BCKDHA: variants seen among roughly 807,000 people sequenced by gnomAD.
BCKDHA encodes branched chain keto acid dehydrogenase E1 subunit alpha.
In BCKDHA, 43 loss-of-function variants were observed where a neutral mutation model predicts 52.2. That is an observed-to-expected ratio of 0.82 (90% confidence interval 0.64 to 1.06). The LOEUF (loss-of-function observed/expected upper bound fraction) is 1.06, where lower values mean the gene tolerates loss of function less well. Among genes scored for constraint, BCKDHA ranks in the 50% least tolerant of loss-of-function variants. The probability of loss-of-function intolerance (pLI) is 0.00; values close to 1 mark genes in which losing one functional copy is unlikely to be tolerated. For missense variants in BCKDHA, 527 were observed against 621.3 expected, an observed-to-expected ratio of 0.85 and a Z score of 1.61; for synonymous variants, 234 against 247.9, an observed-to-expected ratio of 0.94 and a Z score of 0.53.
intron 1 of BCKDHA, chr19:41,399,342 T>G (rs1489508730): frequency 6.8e-6 from 1 of 147,828 alleles, no homozygotes; most frequent in African/African-American, 2.5e-5. Context: ...TTTTTTTTTT[T>G]TTTTTTTTTT....
At chr19:41,403,619 T>A (rs1401763049) in intron 1 of BCKDHA, among the ~76,000 whole-genome samples, 1 of 152,168 alleles carries the variant, frequency 6.6e-6, no homozygotes, top group African/African-American at 2.4e-5. Context: ...AACTCCCCCT[T>A]CTTTAGGAAG....
chr19:41,422,312 G>C lies in BCKDHA; in HGVS notation c.795G>C (p.Arg265=), dbSNP rs1568508041. Residue 265 remains arginine, a synonymous_variant, in exon 6 of 9, where the codon CGG becomes CGC. Coordinates refer to ENST00000269980, the MANE Select transcript of BCKDHA (RefSeq NM_000709.4). ...TLECPIIFFC[R]NNGYAISTPT... Reference sequence around the variant, plus strand: ...AGTGCCCCATCATCTTCTTCTGCCGGAACAATGGCTACGCCATCTCCACGC... The same window carrying C: ...AGTGCCCCATCATCTTCTTCTGCCGCAACAATGGCTACGCCATCTCCACGC... 1 of 1,614,218 alleles carries C rather than the reference G, an allele frequency of 6.2e-7. No homozygotes were observed. Among genetic ancestry groups the C allele is most frequent in the Non-Finnish European group, 8.5e-7 (1 of 1,180,028 alleles).
At chr19:41,423,775 T>C (rs1018260330) in intron 8 of BCKDHA, among the ~76,000 whole-genome samples, 2 of 151,714 alleles carry the variant, frequency 1.3e-5, no homozygotes, top group African/African-American at 4.8e-5. Context: ...GAGGTTGCAG[T>C]GAGCTGAGAT....
At chr19:41,406,928 A>G (rs1385394800) in intron 1 of BCKDHA, among the ~76,000 whole-genome samples, 1 of 151,600 alleles carries the variant, frequency 6.6e-6, no homozygotes, top group Non-Finnish European at 1.5e-5. Context: ...TGGACTCACT[A>G]TGTTGCCTAG....
chr19:41,419,350 G>A (rs2039340517), intron 5 of BCKDHA, 54 bp downstream of exon 5: 7 of 1,564,010 alleles, frequency 4.5e-6, no homozygotes, highest in Admixed American at 1.9e-5. Context: ...TCACACCCCT[G>A]TCCAGGCCTC....
At position 41,422,982 on chromosome 19, in the gene BCKDHA, C is replaced by A; in HGVS notation, c.996-16C>A. On this transcript the variant is annotated splice_polypyrimidine_tract_variant and intron_variant, in intron 7 of 8. Transcript: ENST00000269980. The stretch of plus-strand genomic sequence containing the variant: ...AGGGAGCCCACACTGACCTGGGGCC[C>A]CTTGCCCCTGTGCAGGATCGGGCAC... 6.2e-7 allele frequency: 1 copy of A among 1,606,910 alleles called. No homozygotes were observed. Among genetic ancestry groups the A allele is most frequent in the Non-Finnish European group, 8.5e-7 (1 of 1,176,800 alleles).
At chr19:41,411,570 A>G (rs968132130) in intron 3 of BCKDHA, among the ~76,000 whole-genome samples, 1 of 152,166 alleles carries the variant, frequency 6.6e-6, no homozygotes, top group Non-Finnish European at 1.5e-5. Context: ...CATCCCAGCT[A>G]TCCCACACCC....
intron 1 of BCKDHA, among the ~76,000 whole-genome samples, chr19:41,406,742 G>A (rs1038074797): frequency 4.0e-4 from 61 of 152,128 alleles, no homozygotes; most frequent in African/African-American, 1.3e-3. Context: ...GCTGTTTTTT[G>A]TATTTTTAGT....
chr19:41,420,049 G>T (rs1438086534), intron 5 of BCKDHA, among the ~76,000 whole-genome samples: 1 of 152,142 alleles, frequency 6.6e-6, no homozygotes, highest in Non-Finnish European at 1.5e-5. Flanking sequence ...TTACAGATGT[G>T]AGCCACTGCA....
chr19:41,412,376 A>ATTTGTTTTTTTTTTTTTTTT (rs1199996566), intron 3 of BCKDHA, among the ~76,000 whole-genome samples: 3 of 46,384 alleles, frequency 6.5e-5, no homozygotes, highest in Non-Finnish European at 1.3e-4. Flanking sequence ...GTCTGTAGAT[A>ATTTGTTTTTTTTTTTTTTTT]TTTCTTTTTT....
intron 1 of BCKDHA, among the ~76,000 whole-genome samples, chr19:41,403,408 G>A (rs2039158420): frequency 6.6e-6 from 1 of 152,214 alleles, no homozygotes; most frequent in Non-Finnish European, 1.5e-5. Context: ...AACAGTGCCT[G>A]CCCCGTCTGG....
At chr19:41,415,165 C>A (rs2039295078) in intron 4 of BCKDHA, among the ~76,000 whole-genome samples, 1 of 152,188 alleles carries the variant, frequency 6.6e-6, no homozygotes, top group African/African-American at 2.4e-5. Flanking sequence ...CTGGACCAGG[C>A]CCTTGGCCCC....
intron 3 of BCKDHA, 37 bp downstream of exon 3, chr19:41,411,046 T>C (rs1223071723): frequency 6.2e-7 from 1 of 1,603,396 alleles, no homozygotes; most frequent in South Asian, 1.1e-5. Context: ...GGGGCTGGAA[T>C]TACCTGAGGT....
chr19:41,412,763 G>A (rs1429385721), intron 3 of BCKDHA, among the ~76,000 whole-genome samples: 2 of 151,692 alleles, frequency 1.3e-5, no homozygotes, highest in African/African-American at 4.8e-5. Context: ...GAGTGCAGTG[G>A]CGCAATCTCG....
intron 3 of BCKDHA, among the ~76,000 whole-genome samples, chr19:41,411,613 C>T (rs923767346): frequency 6.6e-5 from 10 of 152,204 alleles, no homozygotes; most frequent in African/African-American, 2.4e-4. Flanking sequence ...GTAGTCCCAC[C>T]TAGTGACATC....
At chr19:41,409,828 G>T (rs1006016714) in intron 1 of BCKDHA, among the ~76,000 whole-genome samples, 1 of 141,546 alleles carries the variant, frequency 7.1e-6, no homozygotes, top group African/African-American at 2.7e-5. Context: ...TTTTGAGATG[G>T]AGTCTCACTG....
rs1194058645 is a variant in BCKDHA, at chr19:41,422,347, A to G, written c.830A>G (p.Glu277Gly). ...NGYAISTPTS[E>G]QYRGDGIAAR... is the part of the protein sequence containing the mutation. ...TACGCCATCTCCACGCCCACCTCTG[A>G]GCAGTATCGCGGCGATGGCATTGGT... is the stretch of plus-strand genomic sequence containing the variant. The change falls in exon 6 of 9, where the codon GAG (glutamate) becomes GGG (glycine). Residue 277 changes from glutamate to glycine, a missense_variant. Glu to Gly is a moderately conservative substitution (Grantham distance 98). Coordinates refer to ENST00000269980, the MANE Select transcript of BCKDHA (RefSeq NM_000709.4). 1 of 1,614,106 alleles carries G rather than the reference A, an allele frequency of 6.2e-7. No homozygotes were observed. Among genetic ancestry groups the G allele is most frequent in the Non-Finnish European group, 8.5e-7 (1 of 1,179,998 alleles).
At chr19:41,408,244 A>AGCATCCAGC (rs2039214232) in intron 1 of BCKDHA, among the ~76,000 whole-genome samples, 2 of 100,360 alleles carry the variant, frequency 2.0e-5, no homozygotes, top group African/African-American at 8.5e-5. Context: ...GGCGTAAGCC[A>AGCATCCAGC]CTGCCCAGCA....
intron 1 of BCKDHA, among the ~76,000 whole-genome samples, chr19:41,403,429 G>A (rs2039158706): frequency 6.6e-6 from 1 of 152,172 alleles, no homozygotes; most frequent in African/African-American, 2.4e-5. Context: ...ATGCCTTATG[G>A]GTTCAGTGAG....
Sources: allele counts gnomAD v4.1 joint callset (sites outside exome capture counted in the v4.1 genomes callset), GRCh38; gene constraint gnomAD v4.1.1; transcripts MANE v1.5; gene names NCBI Gene and HGNC (gene_info 2026-07-23, HGNC 2026-07-21).